The following MS4A3 variants were observed in gnomAD, a reference collection of about 807,000 sequenced individuals.
MS4A3 encodes membrane spanning 4-domains A3.
MS4A3 carries 18 observed loss-of-function variants against 24.7 expected under a neutral mutation model. The observed-to-expected ratio is 0.73, with a 90% CI of 0.50 to 1.08. The LOEUF (loss-of-function observed/expected upper bound fraction) is 1.08, where lower values mean the gene tolerates loss of function less well. MS4A3 is among the 50% of genes least tolerant of loss of function. MS4A3 has a pLI of 0.00. For synonymous variants in MS4A3, 84 were observed against 95.3 expected, an observed-to-expected ratio of 0.88 and a Z score of 0.69; for missense variants, 282 against 251.7, an observed-to-expected ratio of 1.12 and a Z score of -0.82.
intron 1 of MS4A3, 175 bp from the exon 2 acceptor site, chr11:60,060,971 C>T: frequency 2.0e-6 from 1 of 496,556 alleles, no homozygotes; most frequent in Middle Eastern, 3.7e-4. Context: ...TCTACTACTC[C>T]AAGGCAAGAC....
At chr11:60,060,458 C>G (rs1855253426) in intron 1 of MS4A3, among the ~76,000 whole-genome samples, 1 of 152,072 alleles carries the variant, frequency 6.6e-6, no homozygotes, top group Non-Finnish European at 1.5e-5. Flanking sequence ...TTGGATCTTC[C>G]ATAGTGCTTA....
In MS4A3 at chr11:60,069,604, T is replaced by C. The variant is rs2134671102; in HGVS notation, c.544T>C (p.Leu182=). ...GGTGTCTCTACTGCTGATTCTCACC[T>C]TGCTGGAATTATGCGTAACCATCTC... The part of the protein sequence containing the change: ...GMVSLLLILT[L]LELCVTISTI... Residue 182 remains leucine (L), a synonymous_variant, in exon 6 of 7, where the codon TTG becomes CTG. Transcript: ENST00000278865. The C allele has an allele frequency of 1.9e-6, 3 of 1,613,626 alleles. No individual in the cohort carries two copies. In the East Asian group the frequency reaches 6.7e-5, roughly 36 times the overall value.
At chr11:60,066,865 C>CA in intron 4 of MS4A3, 86 bp from the exon 5 acceptor site, 1 of 1,076,982 alleles carries the variant, frequency 9.3e-7, no homozygotes, top group Non-Finnish European at 1.3e-6. Flanking sequence ...AAACAATATT[C>CA]AATCAATGTT....
rs188191510 is a variant in MS4A3 at position 60,057,305 on chromosome 11, A to G, written c.-16+565A>G. Among the ~76,000 whole-genome samples the G allele has an allele frequency of 3.6e-4, 55 of 152,316 alleles. 1 individual carries two copies. The East Asian group carries it at 8.3e-3, about 23-fold the overall frequency. ...AGAACTAAATTAGTAAACATGGATAAAGCCCTTAGAACAAATGCCTGCCAC... is the reference window on the plus strand; with the variant it reads ...AGAACTAAATTAGTAAACATGGATAGAGCCCTTAGAACAAATGCCTGCCAC... On this transcript the variant is annotated intron_variant, in intron 1 of 6. Transcript: ENST00000278865.
At chr11:60,066,276 A>C (rs1855359737) in intron 4 of MS4A3, among the ~76,000 whole-genome samples, 1 of 152,128 alleles carries the variant, frequency 6.6e-6, no homozygotes, top group Non-Finnish European at 1.5e-5. Flanking sequence ...TTTATCGTTG[A>C]ACTTCTCTTT....
intron 2 of MS4A3, 25 bp downstream of exon 2, chr11:60,061,341 T>C: frequency 6.3e-7 from 1 of 1,590,214 alleles, no homozygotes; most frequent in Middle Eastern, 1.7e-4. Flanking sequence ...GTTTAAACAC[T>C]GATTTAAGAG....
chr11:60,060,023 C>T (rs1209474782), intron 1 of MS4A3, among the ~76,000 whole-genome samples: 1 of 152,132 alleles, frequency 6.6e-6, no homozygotes, highest in Non-Finnish European at 1.5e-5. Context: ...TAGGAGGGTA[C>T]TATGAATTAG....
rs1855443236 is a variant in MS4A3 at position 60,069,643 on chromosome 11, T to G, written c.583T>G (p.Trp195Gly). ...LCVTISTIAM[W>G]CNANCCNSRE... Reference sequence around the variant, plus strand: ...CGTAACCATCTCTACCATAGCCATGTGGTGCAATGCAAACTGCTGTAATTC... The same window carrying G: ...CGTAACCATCTCTACCATAGCCATGGGGTGCAATGCAAACTGCTGTAATTC... Residue 195 changes from tryptophan (W) to glycine (G), a missense_variant, in exon 6 of 7, where the codon TGG becomes GGG. Coordinates refer to ENST00000278865, the MANE Select transcript of MS4A3 (RefSeq NM_006138.5). 6.2e-7 allele frequency: 1 copy of G among 1,613,534 alleles called. No individual in the cohort carries two copies. Among genetic ancestry groups the G allele is most frequent in the African/African-American group, 1.3e-5 (1 of 74,934 alleles).
At chr11:60,058,438 C>T (rs766059149) in intron 1 of MS4A3, among the ~76,000 whole-genome samples, 2 of 127,414 alleles carry the variant, frequency 1.6e-5, no homozygotes, top group African/African-American at 2.9e-5. Flanking sequence ...GCCCAGGAGG[C>T]GGAGGTTGCA....
Position 60,064,277 on chromosome 11 carries a change from A to T in MS4A3, c.310A>T (p.Thr104Ser). The T allele has an allele frequency of 6.2e-7, 1 of 1,605,036 alleles. No individual in the cohort carries two copies. The highest frequency in any genetic ancestry group is 8.5e-7 in the Non-Finnish European group (1 of 1,175,916). ...WGAVFFCSSG[T>S]LSVVAGIKPT... ...TTTCAAACAGTTCTGTAGTTCAGGA[A>T]CCTTGTCTGTTGTAGCAGGGATAAA... is the stretch of plus-strand genomic sequence containing the variant. The change falls in exon 4 of 7, where the codon ACC (threonine) becomes TCC (serine). Residue 104 changes from threonine (T) to serine (S), a missense_variant. Physicochemically the swap from Thr to Ser is moderately conservative, Grantham distance 58. Coordinates refer to ENST00000278865, the MANE Select transcript of MS4A3 (RefSeq NM_006138.5).
intron 5 of MS4A3, among the ~76,000 whole-genome samples, chr11:60,068,119 G>A (rs2134668639): frequency 6.6e-6 from 1 of 152,080 alleles, no homozygotes; most frequent in Admixed American, 6.5e-5. Context: ...AAACTTGAGA[G>A]ATTTACAACT....
chr11:60,061,164 G>C lies in MS4A3; in HGVS notation c.4G>C (p.Ala2Pro). Residue 2 changes from alanine (A) to proline (P), a missense_variant, in exon 2 of 7, where the codon GCC becomes CCC. Transcript: ENST00000278865. ...ATCACAGCCATAAACAACCCCAATG[G>C]CCTCCCACGAAGTTGATAATGCAGA... Reference protein sequence around the residue: MASHEVDNAELG... With the variant: MPSHEVDNAELG... 6.3e-7 allele frequency: 1 copy of C among 1,578,274 alleles called. No homozygotes were observed. Among genetic ancestry groups the C allele is most frequent in the Non-Finnish European group, 8.6e-7 (1 of 1,167,036 alleles).
In MS4A3 at chr11:60,067,103, CA is replaced by C; in HGVS notation, c.505del (p.Ile169TyrfsTer10). On this transcript the variant is annotated frameshift_variant, in exon 5 of 7. Coordinates refer to ENST00000278865, the MANE Select transcript of MS4A3 (RefSeq NM_006138.5). LOFTEE classifies it high-confidence loss of function. ...CGGACCTATGCAATTACATGGGCTCCATATCAAATGTATGTTTCTGAAAAAT... is the reference window on the plus strand; with the variant it reads ...CGGACCTATGCAATTACATGGGCTCCTATCAAATGTATGTTTCTGAAAAAT... The part of the protein sequence containing the change: ...SPDLCNYMGS[I>X]SNGMVSLLLI... The C allele has an allele frequency of 5.0e-6, 8 of 1,602,778 alleles. No individual in the cohort carries two copies. Among genetic ancestry groups the C allele is most frequent in the Non-Finnish European group, 6.8e-6 (8 of 1,176,702 alleles).
intron 4 of MS4A3, among the ~76,000 whole-genome samples, chr11:60,065,041 C>T (rs917156420): frequency 6.6e-6 from 1 of 151,870 alleles, no homozygotes; most frequent in Admixed American, 6.6e-5. Context: ...ATTTTTGTCT[C>T]TCTGCTATAT....
At chr11:60,068,773 A>G (rs1855420805) in intron 5 of MS4A3, among the ~76,000 whole-genome samples, 1 of 152,098 alleles carries the variant, frequency 6.6e-6, no homozygotes, top group Non-Finnish European at 1.5e-5. Context: ...TTACATATGT[A>G]TACATGTGTC....
intron 1 of MS4A3, among the ~76,000 whole-genome samples, chr11:60,057,493 C>T (rs1031347676): frequency 2.6e-5 from 4 of 152,160 alleles, no homozygotes; most frequent in Non-Finnish European, 5.9e-5. Context: ...CAAACTCCGC[C>T]TCATGGGTTC....
At chr11:60,057,343 G>A (rs910749377) in intron 1 of MS4A3, among the ~76,000 whole-genome samples, 1 of 152,152 alleles carries the variant, frequency 6.6e-6, no homozygotes, top group Non-Finnish European at 1.5e-5. Context: ...ACTAAGAGCT[G>A]GAGAGATGAA....
intron 5 of MS4A3, among the ~76,000 whole-genome samples, chr11:60,067,832 G>T (rs1855392893): frequency 6.6e-6 from 1 of 151,612 alleles, no homozygotes; most frequent in African/African-American, 2.4e-5. Context: ...CGGATCACGA[G>T]GTCGAGAGAT....
intron 1 of MS4A3, among the ~76,000 whole-genome samples, chr11:60,058,049 C>G (rs114531460): frequency 6.6e-6 from 1 of 152,050 alleles, no homozygotes; most frequent in Non-Finnish European, 1.5e-5. Flanking sequence ...GAGTAGACAA[C>G]GAGGTAACAG....
Sources: gnomAD v4.1 joint callset for allele counts (sites outside exome capture counted in the v4.1 genomes callset) on GRCh38, gnomAD v4.1.1 for gene constraint, MANE v1.5 for transcripts, NCBI Gene and HGNC (gene_info 2026-07-23, HGNC 2026-07-21) for gene names.